The following GRM1 variants were observed in gnomAD, a reference collection of about 807,000 sequenced individuals.
The protein encoded by GRM1 is glutamate metabotropic receptor 1.
GRM1 carries 33 observed loss-of-function variants against 90.9 expected under a neutral mutation model. The ratio of observed to expected loss-of-function variants is 0.36; its 90% confidence interval spans 0.28 to 0.49. The LOEUF is 0.49. Ranked by LOEUF, GRM1 falls within the 20% of genes least tolerant of loss-of-function variation. The pLI, the probability that GRM1 is intolerant of heterozygous loss-of-function variation, is 0.99. For synonymous variants in GRM1, 700 were observed against 613.2 expected, an observed-to-expected ratio of 1.14 and a Z score of -2.09; for missense variants, 1,190 against 1,534.3, an observed-to-expected ratio of 0.78 and a Z score of 3.75.
At position 146,286,483 on chromosome 6, in the gene GRM1, TATAAACTAAATCAA is replaced by T. The variant is rs1245826303; in HGVS notation, c.951-18127_951-18114del. Among the ~76,000 whole-genome samples the T allele has an allele frequency of 3.9e-5, 6 of 152,350 alleles. No individual in the cohort carries two copies. In the East Asian group the frequency reaches 1.2e-3, roughly 29 times the overall value. On this transcript the variant is annotated intron_variant, in intron 2 of 7. Transcript: ENST00000282753. ...ATTGCTAAAATGTCAGGATTATCTC[TATAAACTAAATCAA>T]GTACTTGTGTTTTATTAATACAGTA...
At chr6:146,418,431 G>A (rs1241121752) in intron 7 of GRM1, among the ~76,000 whole-genome samples, 1 of 151,512 alleles carries the variant, frequency 6.6e-6, no homozygotes, top group African/African-American at 2.4e-5. Flanking sequence ...ATATTGGGAA[G>A]CACAAGGAAG....
chr6:146,296,958 A>C (rs1383892098), intron 2 of GRM1, among the ~76,000 whole-genome samples: 1 of 152,190 alleles, frequency 6.6e-6, no homozygotes, highest in Non-Finnish European at 1.5e-5. Context: ...GGGTGTTAGA[A>C]TCGATTTCCA....
chr6:146,262,679 TAC>T (rs1781746563), intron 2 of GRM1, among the ~76,000 whole-genome samples: 1 of 151,894 alleles, frequency 6.6e-6, no homozygotes, highest in African/African-American at 2.4e-5. Flanking sequence ...ATAAACACAA[TAC>T]ACACACATAT....
chr6:146,303,787 T>C (rs1783477511), intron 2 of GRM1, among the ~76,000 whole-genome samples: 1 of 152,184 alleles, frequency 6.6e-6, no homozygotes, highest in African/African-American at 2.4e-5. Flanking sequence ...TGTAATAGTC[T>C]TGAACAGAGT....
chr6:146,396,069 CATCTATCT>C (rs3065122), intron 6 of GRM1, among the ~76,000 whole-genome samples: 9 of 136,114 alleles, frequency 6.6e-5, no homozygotes, highest in East Asian at 2.0e-4. Flanking sequence ...ACCTATCCAT[CATCTATCT>C]ATCTATCTAT....
At chr6:146,105,234 T>G (rs940847956) in intron 1 of GRM1, among the ~76,000 whole-genome samples, 1 of 152,186 alleles carries the variant, frequency 6.6e-6, no homozygotes, top group African/African-American at 2.4e-5. Flanking sequence ...GTTGAGAAAC[T>G]GAAGGAACAA....
chr6:146,196,356 C>G (rs914683163), intron 2 of GRM1, among the ~76,000 whole-genome samples: 2 of 149,556 alleles, frequency 1.3e-5, no homozygotes, highest in Non-Finnish European at 3.0e-5. Context: ...GGCACTATCT[C>G]GGCTCACTGC....
At chr6:146,401,014 A>C (rs183040445) in intron 7 of GRM1, among the ~76,000 whole-genome samples, 1 of 152,230 alleles carries the variant, frequency 6.6e-6, no homozygotes, top group East Asian at 1.9e-4. Context: ...TAGATCTTAA[A>C]TGATATGATA....
At chr6:146,170,240 G>A (rs1257484612) in intron 2 of GRM1, among the ~76,000 whole-genome samples, 3 of 151,990 alleles carry the variant, frequency 2.0e-5, no homozygotes, top group Admixed American at 1.3e-4. Context: ...ACTATGCTGA[G>A]CCTTAATCTT....
At chr6:146,030,978 T>C (rs1348720868) in intron 1 of GRM1, among the ~76,000 whole-genome samples, 2 of 152,206 alleles carry the variant, frequency 1.3e-5, no homozygotes, top group Non-Finnish European at 2.9e-5. Context: ...CACAATGAAC[T>C]TACATATTAG....
chr6:146,145,240 A>G (rs1030935017), intron 1 of GRM1, among the ~76,000 whole-genome samples: 25 of 152,222 alleles, frequency 1.6e-4, no homozygotes, highest in African/African-American at 4.8e-4. Context: ...CCAAGATTGT[A>G]GCTCAGCAAC....
chr6:146,176,167 A>G (rs1014720381), intron 2 of GRM1, among the ~76,000 whole-genome samples: 15 of 152,260 alleles, frequency 9.9e-5, no homozygotes, highest in East Asian at 5.8e-4. Flanking sequence ...TACCTGATAC[A>G]CAATGAATTC....
intron 2 of GRM1, among the ~76,000 whole-genome samples, chr6:146,241,493 A>G (rs1780861836): frequency 6.6e-6 from 1 of 152,004 alleles, no homozygotes; most frequent in African/African-American, 2.4e-5. Context: ...TGATACATGT[A>G]TTTATTTTTG....
At chr6:146,070,010 CA>C (rs1226419618) in intron 1 of GRM1, among the ~76,000 whole-genome samples, 1 of 152,022 alleles carries the variant, frequency 6.6e-6, no homozygotes, top group Non-Finnish European at 1.5e-5. Flanking sequence ...ATAAATACCC[CA>C]AAAGTCTAAT....
chr6:146,262,454 T>C (rs956031088), intron 2 of GRM1, among the ~76,000 whole-genome samples: 59 of 151,914 alleles, frequency 3.9e-4, no homozygotes, highest in African/African-American at 1.3e-3. Context: ...AACAGAACAA[T>C]GAAAATATAC....
intron 1 of GRM1, among the ~76,000 whole-genome samples, chr6:146,110,174 C>A (rs2128873503): frequency 6.6e-6 from 1 of 152,224 alleles, no homozygotes; most frequent in South Asian, 2.1e-4. Flanking sequence ...GGGCCAGAGG[C>A]AGAACGATAT....
At chr6:146,149,372 C>A (rs1055566214) in intron 1 of GRM1, among the ~76,000 whole-genome samples, 4 of 152,106 alleles carry the variant, frequency 2.6e-5, no homozygotes, top group African/African-American at 9.7e-5. Context: ...TAAATAGCAA[C>A]ATGGGCATAA....
intron 2 of GRM1, among the ~76,000 whole-genome samples, chr6:146,251,963 C>T (rs901417695): frequency 1.3e-5 from 2 of 152,186 alleles, no homozygotes; most frequent in Admixed American, 6.5e-5. Context: ...GGATTTTTCT[C>T]AAATACATCT....
intron 2 of GRM1, among the ~76,000 whole-genome samples, chr6:146,263,868 C>T (rs1469721137): frequency 6.6e-6 from 1 of 152,002 alleles, no homozygotes; most frequent in Non-Finnish European, 1.5e-5. Flanking sequence ...TCACTTTTTG[C>T]TGTAATGACA....
Sources: allele counts gnomAD v4.1 joint callset (sites outside exome capture counted in the v4.1 genomes callset), GRCh38; gene constraint gnomAD v4.1.1; transcripts MANE v1.5; gene names NCBI Gene and HGNC (gene_info 2026-07-23, HGNC 2026-07-21).